TVP23A: variants seen among roughly 807,000 people sequenced by gnomAD.
The protein encoded by TVP23A is Golgi apparatus membrane protein TVP23 homolog A.
TVP23A carries 21 observed loss-of-function variants against 31.7 expected under a neutral mutation model. The observed-to-expected ratio is 0.66, with a 90% CI of 0.47 to 0.95. The LOEUF (loss-of-function observed/expected upper bound fraction) is 0.95. TVP23A is among the 40% of genes least tolerant of loss of function. The pLI is 0.00. For missense variants in TVP23A, 279 were observed against 255.6 expected (o/e 1.09, Z -0.62); for synonymous variants, 104 against 96.0 (o/e 1.08, Z -0.49).
intron 2 of TVP23A, among the ~76,000 whole-genome samples, chr16:10,783,381 A>C (rs2032540022): frequency 1.3e-5 from 2 of 152,170 alleles, no homozygotes; most frequent in Admixed American, 6.6e-5. Context: ...AGCAACTAAG[A>C]TGTCCTTCAA....
chr16:10,774,898 C>CAGGGGACAAGCCTCGTGTTTCGGA, intron 3 of TVP23A, 54 bp downstream of exon 3: 1 of 1,543,240 alleles, frequency 6.5e-7, no homozygotes, highest in Non-Finnish European at 8.9e-7. Context: ...ACCACGCACA[C>CAGGGGACAAGCCTCGTGTTTCGGA]AGGGGACAAG....
intron 2 of TVP23A, among the ~76,000 whole-genome samples, chr16:10,816,954 C>G (rs1296815435): frequency 6.6e-6 from 1 of 150,832 alleles, no homozygotes; most frequent in African/African-American, 2.5e-5. Flanking sequence ...CACACACACA[C>G]ACACACACGT....
downstream of TVP23A, chr16:10,760,845 A>G (rs977468808): frequency 6.5e-6 from 1 of 154,550 alleles, no homozygotes; most frequent in Non-Finnish European, 1.4e-5. Context: ...CTAAATAAAT[A>G]TGGATTTGGC....
intron 2 of TVP23A, among the ~76,000 whole-genome samples, chr16:10,803,920 T>C (rs4780325): frequency 0.18 from 27,898 of 152,228 alleles, 2,906 homozygotes; most frequent in African/African-American, 0.28. Context: ...CTTGTAAATA[T>C]ACTAAAACCA....
At chr16:10,805,125 G>A (rs1453596904) in intron 2 of TVP23A, among the ~76,000 whole-genome samples, 2 of 151,958 alleles carry the variant, frequency 1.3e-5, no homozygotes, top group Non-Finnish European at 2.9e-5. Context: ...GCAACCTGCT[G>A]GGTTCAAGCG....
chr16:10,785,724 T>A (rs376191780), intron 2 of TVP23A, among the ~76,000 whole-genome samples: 3 of 152,340 alleles, frequency 2.0e-5, no homozygotes, highest in African/African-American at 7.2e-5. Context: ...TGGTTGGGTC[T>A]GGAAAGGCGG....
chr16:10,818,113 C>A lies in TVP23A; in HGVS notation c.79G>T (p.Ala27Ser). The A allele has an allele frequency of 6.2e-7, 1 of 1,608,214 alleles. No individual in the cohort carries two copies. The highest frequency in any genetic ancestry group is 8.5e-7 in the Non-Finnish European group (1 of 1,177,580). Residue 27 changes from alanine to serine, a missense_variant, in exon 2 of 8, where the codon GCC (alanine) becomes TCC (serine). Physicochemically the swap from Ala to Ser is moderately conservative, Grantham distance 99 (BLOSUM62 1). Transcript: ENST00000299866. This position sits in a 1 kb window ranked among gnomAD's most constrained non-coding sequence, Gnocchi z 4.7. ...GNEEELAFRK[A>S]KIRHPLATFF... ...TCCATCCCAACACACCTGATCTTGG[C>A]TTTCCTAAAGGCCAGCTCCTCCTCG...
chr16:10,803,245 C>CTCTGTGTGTGTGTGTG lies in TVP23A; in HGVS notation c.89+14857_89+14858insCACACACACACACAGA. 3.0e-5 allele frequency among the ~76,000 whole-genome samples: 4 copies of CTCTGTGTGTGTGTGTG among 135,472 alleles called. No homozygotes were observed. The Middle Eastern group carries it at 0.015, about 521-fold the overall frequency. 88.9% of individuals were successfully genotyped at this position (135,472 alleles called of 152,430 possible). On this transcript the variant is annotated intron_variant, in intron 2 of 7. Transcript: ENST00000299866. ...GTTGCAGTGAGCCGAGATCGCGCCA[C>CTCTGTGTGTGTGTGTG]TGTGTGTGTGTGTGTGTGTGTGTGT...
At chr16:10,789,214 A>G (rs990307671) in intron 2 of TVP23A, among the ~76,000 whole-genome samples, 15 of 152,304 alleles carry the variant, frequency 9.8e-5, no homozygotes, top group African/African-American at 3.6e-4. Context: ...TACCAGCCTT[A>G]AAAAGGCACC....
downstream of TVP23A, chr16:10,757,817 T>G: frequency 3.8e-6 from 6 of 1,570,830 alleles, no homozygotes; most frequent in Middle Eastern, 1.7e-4. The surrounding 1 kb of genome is among the most constrained non-coding windows in gnomAD (Gnocchi z 4.1). Context: ...AAGAGGGAGT[T>G]GAAAGTACAG....
intron 2 of TVP23A, among the ~76,000 whole-genome samples, chr16:10,812,094 C>T (rs2034232524): frequency 6.6e-6 from 1 of 151,852 alleles, no homozygotes; most frequent in East Asian, 1.9e-4. Flanking sequence ...GGGCAAGAGA[C>T]TTGAATAGAC....
chr16:10,788,089 T>A lies in TVP23A; in HGVS notation c.90-12993A>T, dbSNP rs76688411. 3.6e-3 allele frequency among the ~76,000 whole-genome samples: 545 copies of A among 152,192 alleles called. 8 individuals carry two copies. The highest frequency in any genetic ancestry group is 0.027 in the East Asian group (140 of 5,174). ...CATTTTAGGGAGACAAAGGCATCAA[T>A]CAATACATGCAAGATGTACACTGGT... is the stretch of plus-strand genomic sequence containing the variant. On this transcript the variant is annotated intron_variant, in intron 2 of 7. Transcript: ENST00000299866.
chr16:10,810,256 A>G (rs935925687), intron 2 of TVP23A, among the ~76,000 whole-genome samples: 3 of 152,176 alleles, frequency 2.0e-5, no homozygotes. Context: ...TGGACGGAGA[A>G]AAGAAGATCC....
At chr16:10,778,787 G>A (rs1201504589) in intron 2 of TVP23A, among the ~76,000 whole-genome samples, 1 of 152,136 alleles carries the variant, frequency 6.6e-6, no homozygotes, top group Non-Finnish European at 1.5e-5. Context: ...CCAACATGGT[G>A]AAACCCTATC....
rs1225230754 is a variant in TVP23A at position 10,770,351 on chromosome 16, C to T, written c.583-20G>A. 4 of 1,550,342 alleles carry T rather than the reference C, an allele frequency of 2.6e-6. No individual in the cohort carries two copies. The highest frequency in any genetic ancestry group is 2.6e-6 in the Non-Finnish European group (3 of 1,146,712). ...GCAGGCCTGCAAGGGGAAAAGTCAA[C>T]CATGGTTTTCTGTCCTTACACGCGA... On this transcript the variant is annotated intron_variant, in intron 6 of 7. Transcript: ENST00000299866.
rs528984425 is a variant in TVP23A, at chr16:10,811,459, G to A, written c.89+6644C>T. 2.0e-4 allele frequency among the ~76,000 whole-genome samples: 31 copies of A among 151,906 alleles called. No individual in the cohort carries two copies. The South Asian group carries it at 5.4e-3, about 27-fold the overall frequency. ...ACTTTTTGTATTTTCTGTAGATAAC[G>A]GGGTTTTGCCATGTTGCTCAGGCTG... On this transcript the variant is annotated intron_variant, in intron 2 of 7. Transcript: ENST00000299866.
chr16:10,783,151 G>C (rs2142951337), intron 2 of TVP23A, among the ~76,000 whole-genome samples: 1 of 152,152 alleles, frequency 6.6e-6, no homozygotes, highest in East Asian at 1.9e-4. Flanking sequence ...TTTATCTAAT[G>C]ACTACATGTG....
intron 2 of TVP23A, among the ~76,000 whole-genome samples, chr16:10,780,282 T>TG (rs2032344527): frequency 6.6e-6 from 1 of 152,148 alleles, no homozygotes; most frequent in South Asian, 2.1e-4. Flanking sequence ...GATGGAGGTT[T>TG]GGGGAGTCTC....
chr16:10,818,462 C>A lies in TVP23A; in HGVS notation c.9+23G>T. On this transcript the variant is annotated intron_variant, in intron 1 of 7. Coordinates refer to ENST00000299866, the MANE Select transcript of TVP23A (RefSeq NM_001079512.4). The surrounding 1 kb of genome is among the most constrained non-coding windows in gnomAD (Gnocchi z 4.7). ...TCCCCTCGTCCCGCCCCGCCTCCAG[C>A]CCCAGCATCCCCGAGGCCCTACCTG... is the stretch of plus-strand genomic sequence containing the variant. The A allele has an allele frequency of 6.2e-7, 1 of 1,603,460 alleles. No individual in the cohort carries two copies. The highest frequency in any genetic ancestry group is 2.2e-5 in the East Asian group (1 of 44,720).
Sources: gnomAD v4.1 joint callset for allele counts (sites outside exome capture counted in the v4.1 genomes callset) on GRCh38, gnomAD v4.1.1 for gene constraint, Gnocchi (gnomAD v3.1) non-coding constraint, MANE v1.5 for transcripts, NCBI Gene and HGNC (gene_info 2026-07-23, HGNC 2026-07-21) for gene names.